The following DOCK11 variants were observed in gnomAD, a reference collection of about 807,000 sequenced individuals.
DOCK11 encodes dedicator of cytokinesis protein 11.
Under a neutral mutation model 169.1 loss-of-function variants are expected in DOCK11, and 70 were observed. That is an observed-to-expected ratio of 0.41 (90% CI 0.34 to 0.51). The LOEUF (loss-of-function observed/expected upper bound fraction) is 0.51. Ranked by LOEUF, DOCK11 falls within the 20% of genes least tolerant of loss-of-function variation. The pLI is 0.10. For missense variants in DOCK11, 1,166 were observed against 1,538.8 expected (o/e 0.76, Z 4.05); for synonymous variants, 529 against 541.3 (o/e 0.98, Z 0.32).
At chrX:118,609,153 T>C (rs1185421498) in intron 26 of DOCK11, 125 bp from the exon 27 acceptor site, 2 of 481,484 alleles carry the variant, frequency 4.2e-6, no homozygotes, top group East Asian at 7.9e-5. Flanking sequence ...GTGACTTTGA[T>C]AGTGACTTGG....
At chrX:118,578,133 A>T (rs746682976) in intron 12 of DOCK11, among the ~76,000 whole-genome samples, 15 of 112,174 alleles carry the variant, frequency 1.3e-4, no homozygotes, top group Non-Finnish European at 2.4e-4. Context: ...AGAGCAGTAA[A>T]GTTTCTTTTT....
rs991199851 is a variant in DOCK11 at position 118,677,976 on chromosome X, G to A, written c.5460+1239G>A. 2.5e-4 allele frequency among the ~76,000 whole-genome samples: 28 copies of A among 112,010 alleles called. 1 individual carries two copies. The highest frequency in any genetic ancestry group is 1.1e-3 in the Admixed American group (12 of 10,542). The stretch of plus-strand genomic sequence containing the variant: ...GAAAACTGGGCCAAAGAATGCTAGC[G>A]ACAAACCACTACAGGTGGCTGGACT... On this transcript the variant is annotated intron_variant, in intron 48 of 52. Coordinates refer to ENST00000276202, the MANE Select transcript of DOCK11 (RefSeq NM_144658.4).
Position 118,685,809 on chromosome X carries a change from G to T in DOCK11, c.*2G>T. On this transcript the variant is annotated 3_prime_UTR_variant, in exon 53 of 53. Coordinates refer to ENST00000276202, the MANE Select transcript of DOCK11 (RefSeq NM_144658.4). ...TCCCCAAGATACGCTGAAGTGTGAG[G>T]AAATGCAGATGTACGTGACAATGAG... 4 of 1,210,788 alleles carry T rather than the reference G, an allele frequency of 3.3e-6. No homozygotes were observed. Among genetic ancestry groups the T allele is most frequent in the Non-Finnish European group, 4.5e-6 (4 of 894,977 alleles).
At chrX:118,556,613 C>A (rs1045991811) in intron 6 of DOCK11, among the ~76,000 whole-genome samples, 7 of 108,023 alleles carry the variant, frequency 6.5e-5, no homozygotes, top group African/African-American at 2.0e-4. Context: ...AAAAATTAGC[C>A]AGGCGTGGTG....
At chrX:118,506,274 A>G (rs1183759810) in intron 1 of DOCK11, among the ~76,000 whole-genome samples, 1 of 110,694 alleles carries the variant, frequency 9.0e-6, no homozygotes, top group African/African-American at 3.3e-5. Flanking sequence ...AAAAACAACA[A>G]AAAACCAAAA....
intron 30 of DOCK11, among the ~76,000 whole-genome samples, chrX:118,618,165 T>G (rs1234067489): frequency 8.9e-6 from 1 of 111,961 alleles, no homozygotes; most frequent in African/African-American, 3.2e-5. Flanking sequence ...TTACATAGAA[T>G]TTTTCAAATT....
Position 118,608,343 on chromosome X carries a change from A to G in DOCK11, c.2864A>G (p.Asn955Ser). 1 of 1,208,495 alleles carries G rather than the reference A, an allele frequency of 8.3e-7. No homozygotes were observed. The highest frequency in any genetic ancestry group is 1.1e-6 in the Non-Finnish European group (1 of 894,366). ...CAGTCTGCAGATTTTTTATCAATAA[A>G]CAAATTGCTAAAGGTATGAACACAG... ...LKQSADFLSI[N>S]KLLKYSWFFF... The change falls in exon 26 of 53, where the codon AAC (asparagine) becomes AGC (serine). Residue 955 changes from asparagine (N) to serine (S), a missense_variant. Physicochemically the swap from Asn to Ser is conservative, Grantham distance 46. Coordinates refer to ENST00000276202, the MANE Select transcript of DOCK11 (RefSeq NM_144658.4).
In DOCK11 at chrX:118,568,571, A is replaced by G. The variant is rs897876855; in HGVS notation, c.1035+409A>G. Among the ~76,000 whole-genome samples, 8 of 107,578 alleles carry G rather than the reference A, an allele frequency of 7.4e-5. No homozygotes were observed. In the East Asian group the frequency reaches 2.3e-3, roughly 32 times the overall value. 93.4% of individuals were successfully genotyped at this position (107,578 alleles called of 115,157 possible). A position where few individuals can be genotyped will look rare whatever the true frequency, so the allele number is the denominator to read the frequency against. Reference sequence around the variant, plus strand: ...AGAAAATATCTCCAGTATAAAGAACATATGAGTCATATGAGACATTTATTT... The same window carrying G: ...AGAAAATATCTCCAGTATAAAGAACGTATGAGTCATATGAGACATTTATTT... On this transcript the variant is annotated intron_variant, in intron 10 of 52. Transcript: ENST00000276202.
At chrX:118,500,799 T>TTTTTG (rs1365276190) in intron 1 of DOCK11, among the ~76,000 whole-genome samples, 1 of 109,965 alleles carries the variant, frequency 9.1e-6, no homozygotes, top group African/African-American at 3.3e-5. Flanking sequence ...GTTTTTTTTG[T>TTTTTG]TTTTGTTTTG....
At chrX:118,502,770 A>G (rs2057583754) in intron 1 of DOCK11, among the ~76,000 whole-genome samples, 1 of 59,218 alleles carries the variant, frequency 1.7e-5, no homozygotes, top group African/African-American at 4.4e-5. Context: ...AAAACAAAAC[A>G]AACAAACAAA....
intron 20 of DOCK11, among the ~76,000 whole-genome samples, chrX:118,594,964 G>T (rs2014116052): frequency 9.0e-6 from 1 of 111,435 alleles, no homozygotes; most frequent in Admixed American, 9.6e-5. Context: ...TGGAGCACAG[G>T]GTGCTAGGAG....
At chrX:118,501,812 G>A (rs982921629) in intron 1 of DOCK11, among the ~76,000 whole-genome samples, 2 of 111,925 alleles carry the variant, frequency 1.8e-5, no homozygotes, top group Non-Finnish European at 3.8e-5. Context: ...CCAGGAGAGT[G>A]TGAGGGTGTT....
At chrX:118,604,521 C>CTTTTTTTTTTTTT (rs74504860) in intron 23 of DOCK11, among the ~76,000 whole-genome samples, 1 of 38,195 alleles carries the variant, frequency 2.6e-5, no homozygotes, top group Non-Finnish European at 4.2e-5. Flanking sequence ...GGTTTGTTTC[C>CTTTTTTTTTTTTT]TTTTTTTTTT....
intron 1 of DOCK11, among the ~76,000 whole-genome samples, chrX:118,506,266 AAAC>A (rs1171342570): frequency 9.0e-6 from 1 of 110,620 alleles, no homozygotes; most frequent in African/African-American, 3.3e-5. Context: ...AAAAAAAAAA[AAAC>A]AACAAAAAAC....
Position 118,676,684 on chromosome X carries a change from T to G in DOCK11, c.5407T>G (p.Tyr1803Asp). ...SEISLRLVKL[Y>D]GEKFGTENVK... ...AATTTCCTTGAGACTTGTTAAACTT[T>G]ATGGTGAAAAGTTTGGTACGGAGAA... The change falls in exon 48 of 53, where the codon TAT (tyrosine) becomes GAT (aspartate). Residue 1803 changes from tyrosine to aspartate, a missense_variant. By Grantham distance (160) the Tyr-to-Asp change is radical. Transcript: ENST00000276202. 2 of 1,207,160 alleles carry G rather than the reference T, an allele frequency of 1.7e-6. No homozygotes were observed. Among genetic ancestry groups the G allele is most frequent in the Non-Finnish European group, 2.2e-6 (2 of 892,450 alleles).
chrX:118,510,035 T>C (rs1314759893), intron 1 of DOCK11, among the ~76,000 whole-genome samples: 1 of 112,480 alleles, frequency 8.9e-6, no homozygotes, highest in Non-Finnish European at 1.9e-5. Context: ...ACCTTGGTAA[T>C]CTAGGATAAT....
At chrX:118,632,440 ATC>A (rs1398075127) in intron 35 of DOCK11, 1 of 112,064 alleles carries the variant, frequency 8.9e-6, no homozygotes, top group Non-Finnish European at 1.9e-5. Context: ...TCTATGTCAC[ATC>A]TGTTTATCTT....
intron 1 of DOCK11, among the ~76,000 whole-genome samples, chrX:118,517,339 C>T (rs7062739): frequency 0.055 from 5,884 of 106,898 alleles, 405 homozygotes; most frequent in African/African-American, 0.19. Flanking sequence ...GCTATGATCG[C>T]GCCACTGCAC....
Position 118,597,974 on chromosome X carries a change from A to G in DOCK11, c.2386-56A>G, listed in dbSNP as rs2014220595. 6.5e-6 allele frequency: 6 copies of G among 923,830 alleles called. No homozygotes were observed. The African/African-American group carries it at 9.8e-5, about 15-fold the overall frequency. 76.1% of individuals were successfully genotyped at this position (923,830 alleles called of 1,213,427 possible). A position where few individuals can be genotyped will look rare whatever the true frequency, so the allele number is the denominator to read the frequency against. On this transcript the variant is annotated intron_variant, in intron 21 of 52. Transcript: ENST00000276202. ...AAATGTTTAAATGCATAAAGGTATT[A>G]TATGTTATTCATCTATCCATTATTA...
Sources: gnomAD v4.1 joint callset for allele counts (sites outside exome capture counted in the v4.1 genomes callset) on GRCh38, gnomAD v4.1.1 for gene constraint, MANE v1.5 for transcripts, NCBI Gene and HGNC (gene_info 2026-07-23, HGNC 2026-07-21) for gene names.